The following ARHGAP5 variants were observed in gnomAD, a reference collection of about 807,000 sequenced individuals.
The protein encoded by ARHGAP5 is Rho GTPase activating protein 5.
A neutral mutation model predicts 116.6 loss-of-function variants in ARHGAP5; 23 were observed. The observed-to-expected ratio is 0.20, with a 90% CI of 0.14 to 0.28. ARHGAP5 has a LOEUF of 0.28. Ranked by LOEUF, ARHGAP5 falls within the 10% of genes least tolerant of loss-of-function variation. The pLI, the probability that ARHGAP5 is intolerant of heterozygous loss-of-function variation, is 1.00. For missense variants in ARHGAP5, 1,405 were observed against 1,774.8 expected, an observed-to-expected ratio of 0.79 and a Z score of 3.74; for synonymous variants, 574 against 602.0, an observed-to-expected ratio of 0.95 and a Z score of 0.68.
chr14:32,111,878 T>G (rs114278204), intron 2 of ARHGAP5, among the ~76,000 whole-genome samples: 2,154 of 146,300 alleles, frequency 0.015, 51 homozygotes, highest in African/African-American at 0.052. Context: ...AGTCTCGCTC[T>G]GTTACTAGGC....
At chr14:32,077,474 C>T (rs905555306) in intron 1 of ARHGAP5, 39 bp downstream of exon 1, 12 of 685,746 alleles carry the variant, frequency 1.7e-5, no homozygotes, top group African/African-American at 5.4e-5. Flanking sequence ...AGCCTGCCTG[C>T]CCCCTCCCGG....
Position 32,127,709 on chromosome 14 carries a change from C to A in ARHGAP5, c.3865+10422C>A, listed in dbSNP as rs532747372. Among the ~76,000 whole-genome samples the A allele has an allele frequency of 2.0e-5, 3 of 152,286 alleles. No homozygotes were observed. In the East Asian group the frequency reaches 5.8e-4, roughly 30 times the overall value. On this transcript the variant is annotated intron_variant, in intron 3 of 6. Coordinates refer to ENST00000345122, the MANE Select transcript of ARHGAP5 (RefSeq NM_001030055.2). ...TGGGTACACCTCCCAGACGGGGTGGCGGCCGGGCAGAGGGGCTCCTCACTT... is the reference window on the plus strand; with the variant it reads ...TGGGTACACCTCCCAGACGGGGTGGAGGCCGGGCAGAGGGGCTCCTCACTT...
rs747429491 is a variant in ARHGAP5, at chr14:32,093,958, A to T, written c.3289A>T (p.Thr1097Ser). The T allele has an allele frequency of 4.8e-5, 78 of 1,613,794 alleles. No homozygotes were observed. The highest frequency in any genetic ancestry group is 6.2e-5 in the Non-Finnish European group (73 of 1,179,974). Residue 1097 changes from threonine (T) to serine (S), a missense_variant, in exon 2 of 7, where the codon ACA (threonine) becomes TCA (serine). Physicochemically the swap from Thr to Ser is moderately conservative, Grantham distance 58 (BLOSUM62 1). Coordinates refer to ENST00000345122, the MANE Select transcript of ARHGAP5 (RefSeq NM_001030055.2). The stretch of plus-strand genomic sequence containing the variant: ...AGATAACTATGCGGAACCCATTGAT[A>T]CAATTTTCAAACAGAAGGGCTATTC... ...PSDNYAEPID[T>S]IFKQKGYSDE...
intron 2 of ARHGAP5, among the ~76,000 whole-genome samples, chr14:32,104,636 T>C (rs184609498): frequency 9.5e-4 from 144 of 152,342 alleles, no homozygotes; most frequent in Admixed American, 1.5e-3. Context: ...GTAATGCTGC[T>C]TCTCACTGCC....
At chr14:32,109,057 A>G (rs1265953718) in intron 2 of ARHGAP5, among the ~76,000 whole-genome samples, 1 of 152,094 alleles carries the variant, frequency 6.6e-6, no homozygotes, top group Non-Finnish European at 1.5e-5. Flanking sequence ...GTTTGCTTGT[A>G]TGGTTAAAGG....
At position 32,114,624 on chromosome 14, in the gene ARHGAP5, A is replaced by G. The variant is rs190114741; in HGVS notation, c.3718-2516A>G. The stretch of plus-strand genomic sequence containing the variant: ...GTTGTGTTTGGTTTAATCTGCACTT[A>G]ACAGAGTTGCATATAATCTGCATCA... On this transcript the variant is annotated intron_variant, in intron 2 of 6. Coordinates refer to ENST00000345122, the MANE Select transcript of ARHGAP5 (RefSeq NM_001030055.2). Among the ~76,000 whole-genome samples, 3 of 152,332 alleles carry G rather than the reference A, an allele frequency of 2.0e-5. No homozygotes were observed. In the East Asian group the frequency reaches 5.8e-4, roughly 29 times the overall value.
At chr14:32,089,335 GA>G (rs1366940816) in intron 1 of ARHGAP5, among the ~76,000 whole-genome samples, 5 of 151,654 alleles carry the variant, frequency 3.3e-5, no homozygotes, top group African/African-American at 9.7e-5. Context: ...ACTTTTCTTA[GA>G]TTTTTTTTGT....
chr14:32,140,087 G>GTTTTTTT (rs1881028802), intron 3 of ARHGAP5, among the ~76,000 whole-genome samples: 7 of 29,856 alleles, frequency 2.3e-4, no homozygotes, highest in Non-Finnish European at 4.4e-4. Context: ...TTTTTTTTAG[G>GTTTTTTT]TTATTTGTTC....
chr14:32,116,919 A>T (rs1440716144), intron 2 of ARHGAP5, among the ~76,000 whole-genome samples: 1 of 152,156 alleles, frequency 6.6e-6, no homozygotes, highest in East Asian at 1.9e-4. Flanking sequence ...TTCCAAAGAG[A>T]ATATTTTCTT....
In ARHGAP5 at chr14:32,092,497, C is replaced by T; in HGVS notation, c.1828C>T (p.Leu610=). 6.2e-7 allele frequency: 1 copy of T among 1,613,994 alleles called. No homozygotes were observed. Among genetic ancestry groups the T allele is most frequent in the Non-Finnish European group, 8.5e-7 (1 of 1,179,872 alleles). ...AGGGAAGGATGGCCTTGCCCAAGAA[C>T]TAGCAAATGAGATAAGGACACAATC... The part of the protein sequence containing the change: ...ILGKDGLAQE[L]ANEIRTQSTD... The change falls in exon 2 of 7, where the codon CTA becomes TTA. Residue 610 remains leucine, a synonymous_variant. Coordinates refer to ENST00000345122, the MANE Select transcript of ARHGAP5 (RefSeq NM_001030055.2). The surrounding 1 kb of genome is among the most constrained non-coding windows in gnomAD (Gnocchi z 4.1).
chr14:32,100,292 T>C (rs766164541), intron 2 of ARHGAP5, among the ~76,000 whole-genome samples: 1 of 152,096 alleles, frequency 6.6e-6, no homozygotes. Context: ...CTCAGACCCC[T>C]GGGTTCAAGT....
intron 1 of ARHGAP5, among the ~76,000 whole-genome samples, chr14:32,083,306 A>C (rs781512347): frequency 4.6e-5 from 7 of 152,284 alleles, no homozygotes; most frequent in Non-Finnish European, 1.0e-4. Context: ...ATTACATGAA[A>C]TTCAAATTTT....
intron 3 of ARHGAP5, among the ~76,000 whole-genome samples, chr14:32,120,334 A>G (rs952402202): frequency 1.3e-5 from 2 of 151,880 alleles, no homozygotes; most frequent in South Asian, 2.1e-4. Flanking sequence ...AGGTTTATCA[A>G]TTTTATTGAT....
chr14:32,116,323 G>A (rs568312174), intron 2 of ARHGAP5, among the ~76,000 whole-genome samples: 38 of 151,190 alleles, frequency 2.5e-4, no homozygotes, highest in African/African-American at 8.8e-4. Context: ...GGGCGCGGTG[G>A]CTCACACCTG....
chr14:32,135,217 G>A lies in ARHGAP5; in HGVS notation c.3866-11046G>A, dbSNP rs1439157296. Among the ~76,000 whole-genome samples the A allele has an allele frequency of 2.0e-5, 3 of 152,286 alleles. No homozygotes were observed. In the East Asian group the frequency reaches 5.8e-4, roughly 29 times the overall value. On this transcript the variant is annotated intron_variant, in intron 3 of 6. Coordinates refer to ENST00000345122, the MANE Select transcript of ARHGAP5 (RefSeq NM_001030055.2). ...AAACTTTCATTGCCCAGGAATTGAG[G>A]CTTTTTTGGTTTAAATTATTTTAGT... is the stretch of plus-strand genomic sequence containing the variant.
At chr14:32,077,470 C>T (rs1012278464) in intron 1 of ARHGAP5, 35 bp downstream of exon 1, 9 of 686,378 alleles carry the variant, frequency 1.3e-5, no homozygotes, top group South Asian at 1.2e-4. Context: ...TCCAAGCCTG[C>T]CTGCCCCCTC....
At chr14:32,130,092 T>C (rs1368108609) in intron 3 of ARHGAP5, among the ~76,000 whole-genome samples, 2 of 151,440 alleles carry the variant, frequency 1.3e-5, no homozygotes, top group Admixed American at 1.3e-4. Context: ...TGTAATAAAA[T>C]ATATATGTAA....
chr14:32,125,535 ACTT>A (rs1173749282), intron 3 of ARHGAP5, among the ~76,000 whole-genome samples: 9 of 152,110 alleles, frequency 5.9e-5, no homozygotes, highest in African/African-American at 1.9e-4. Context: ...TCTGTGTTTA[ACTT>A]CTTGAGGAAC....
In ARHGAP5 at chr14:32,146,348, G is replaced by A; in HGVS notation, c.3943+8G>A. 1 of 1,589,292 alleles carries A rather than the reference G, an allele frequency of 6.3e-7. No individual in the cohort carries two copies. Among genetic ancestry groups the A allele is most frequent in the Non-Finnish European group, 8.6e-7 (1 of 1,159,100 alleles). The stretch of plus-strand genomic sequence containing the variant: ...AAAAGCAGTTTGATCAAGGTAAGAA[G>A]ATGATTATGTGAAATAAAAATTGTT... On this transcript the variant is annotated splice_region_variant and intron_variant, in intron 4 of 6. Transcript: ENST00000345122.
Sources: gnomAD v4.1 joint callset for allele counts (sites outside exome capture counted in the v4.1 genomes callset) on GRCh38, gnomAD v4.1.1 for gene constraint, Gnocchi (gnomAD v3.1) non-coding constraint, MANE v1.5 for transcripts, NCBI Gene and HGNC (gene_info 2026-07-23, HGNC 2026-07-21) for gene names.